TTC19: variants seen among roughly 807,000 people sequenced by gnomAD.
TTC19 encodes the protein tetratricopeptide repeat domain 19.
In TTC19, 38 loss-of-function variants were observed where a neutral mutation model predicts 49.5. The ratio of observed to expected loss-of-function variants is 0.77; its 90% confidence interval spans 0.59 to 1.01. TTC19 has a LOEUF of 1.01. Among genes scored for constraint, TTC19 ranks in the 50% least tolerant of loss-of-function variants. TTC19 has a pLI of 0.00. For synonymous variants in TTC19, 204 were observed against 185.2 expected (o/e 1.10, Z -0.83); for missense variants, 475 against 477.7 (o/e 0.99, Z 0.05).
At chr17:16,013,627 G>C (rs1000815460) in intron 7 of TTC19, among the ~76,000 whole-genome samples, 1 of 151,918 alleles carries the variant, frequency 6.6e-6, no homozygotes, top group Non-Finnish European at 1.5e-5. Context: ...TTTCTTTTGG[G>C]GTTTTCCATT....
chr17:16,020,120 C>A (rs1027477409), intron 7 of TTC19, among the ~76,000 whole-genome samples: 3 of 152,112 alleles, frequency 2.0e-5, no homozygotes, highest in Non-Finnish European at 4.4e-5. Flanking sequence ...AAAACAACAA[C>A]AAAAACCAAA....
At chr17:16,024,991 T>A in intron 7 of TTC19, 26 bp from the exon 8 acceptor site, 1 of 1,613,332 alleles carries the variant, frequency 6.2e-7, no homozygotes, top group South Asian at 1.1e-5. Context: ...TTTGGGTAGA[T>A]TTGCTGATTC....
In TTC19 at chr17:16,015,101, A is replaced by T. The variant is rs1597460003; in HGVS notation, c.676+8533A>T. Among the ~76,000 whole-genome samples, 5 of 152,262 alleles carry T rather than the reference A, an allele frequency of 3.3e-5. No homozygotes were observed. The South Asian group carries it at 1.0e-3, about 32-fold the overall frequency. On this transcript the variant is annotated intron_variant, in intron 7 of 9. Transcript: ENST00000261647. The stretch of plus-strand genomic sequence containing the variant: ...TGTTTGTATTATTTGTTATCGCAGG[A>T]TTGTTATTAATGTGATAAAATGAAT...
chr17:16,002,598 C>A, intron 3 of TTC19, 195 bp from the exon 4 acceptor site: 1 of 617,288 alleles, frequency 1.6e-6, no homozygotes, highest in Non-Finnish European at 2.9e-6. Context: ...TTGTTAACAA[C>A]AAAGTATGTG....
chr17:16,024,775 A>G, intron 7 of TTC19: 2 of 526,486 alleles, frequency 3.8e-6, no homozygotes, highest in Non-Finnish European at 6.8e-6. Flanking sequence ...TTTCTGCTGA[A>G]TATTATTTGT....
chr17:16,002,637 T>G, intron 3 of TTC19, 156 bp from the exon 4 acceptor site: 1 of 720,690 alleles, frequency 1.4e-6, no homozygotes. Context: ...ATGATTGCTG[T>G]CCTGTGCTTC....
At chr17:16,025,260 C>CTAGGCCCATCTGCTGATCCTGTT in intron 8 of TTC19, 89 bp downstream of exon 8, 1 of 1,396,780 alleles carries the variant, frequency 7.2e-7, no homozygotes, top group Non-Finnish European at 1.0e-6. Context: ...GTAACAGGAT[C>CTAGGCCCATCTGCTGATCCTGTT]AGCAGATGGT....
In TTC19 at chr17:16,026,520, G is replaced by A. The variant is rs1971566919; in HGVS notation, c.832-20G>A. On this transcript the variant is annotated intron_variant, in intron 8 of 9. Transcript: ENST00000261647. ...AAGGCATGTTTTTAAAGAAAAAATT[G>A]TTTTTTCTTTTACATACAGACCATT... 1 of 1,612,804 alleles carries A rather than the reference G, an allele frequency of 6.2e-7. No individual in the cohort carries two copies. The highest frequency in any genetic ancestry group is 8.5e-7 in the Non-Finnish European group (1 of 1,179,288).
Position 16,000,019 on chromosome 17 carries a change from G to A in TTC19, c.171G>A (p.Leu57=). The A allele has an allele frequency of 8.0e-7, 1 of 1,242,740 alleles. No homozygotes were observed. Among genetic ancestry groups the A allele is most frequent in the South Asian group, 3.0e-5 (1 of 33,452 alleles). The allele number at this position is 1,242,740 out of a possible 1,614,324, so 77.0% of individuals were successfully genotyped here. A position where few individuals can be genotyped will look rare whatever the true frequency, so the allele number is the denominator to read the frequency against. The change falls in exon 1 of 10, where the codon CTG becomes CTA. Residue 57 remains leucine (L), a synonymous_variant. Transcript: ENST00000261647. ...VAPHGRGPGL[L]PLLAALAWFS... is the part of the protein sequence containing the mutation. ...CGCACGGCCGGGGCCCAGGCCTGCT[G>A]CCGCTGCTGGCAGGTGAGGGGCGCG...
intron 2 of TTC19, among the ~76,000 whole-genome samples, chr17:16,038,369 A>G (rs1207155129): frequency 6.6e-6 from 1 of 152,228 alleles, no homozygotes; most frequent in African/African-American, 2.4e-5. Flanking sequence ...CTTATCAGAT[A>G]CAAGCATTAG....
intron 7 of TTC19, among the ~76,000 whole-genome samples, chr17:16,012,210 G>A (rs1288703450): frequency 2.6e-5 from 4 of 152,064 alleles, no homozygotes; most frequent in African/African-American, 9.7e-5. Context: ...GAGAATTGGC[G>A]AGGGACAGTG....
intron 2 of TTC19, 56 bp downstream of exon 2, chr17:16,000,301 G>A (rs897699803): frequency 1.8e-5 from 29 of 1,585,796 alleles, no homozygotes; most frequent in Admixed American, 5.1e-5. Flanking sequence ...TGTGAGCGGG[G>A]TCTTGGCGTT....
At chr17:16,040,123 A>C in intron 2 of TTC19, 1 of 509,868 alleles carries the variant, frequency 2.0e-6, no homozygotes, top group Admixed American at 2.3e-5. Context: ...TAACTCCTTA[A>C]GGAAATTTGT....
At position 16,026,770 on chromosome 17, in the gene TTC19, G is replaced by C. The variant is rs1046094633; in HGVS notation, c.994+68G>C. On this transcript the variant is annotated intron_variant, in intron 9 of 9. Coordinates refer to ENST00000261647, the MANE Select transcript of TTC19 (RefSeq NM_017775.4). ...GATGTCACTGGATTGATAGATTTGT[G>C]AAGTGGTATGTAGGGAGGGCAAGGG... is the stretch of plus-strand genomic sequence containing the variant. The C allele has an allele frequency of 1.2e-5, 18 of 1,560,950 alleles. No homozygotes were observed. The African/African-American group carries it at 2.2e-4, about 19-fold the overall frequency.
intron 2 of TTC19, among the ~76,000 whole-genome samples, chr17:16,001,272 C>T (rs1214472653): frequency 6.6e-6 from 1 of 152,202 alleles, no homozygotes; most frequent in East Asian, 1.9e-4. Context: ...ATGATCTAAA[C>T]CAGCATATAC....
In TTC19 at chr17:16,000,250, G is replaced by A. The variant is rs1970678351; in HGVS notation, c.312+5G>A. The A allele has an allele frequency of 6.3e-7, 1 of 1,594,112 alleles. No individual in the cohort carries two copies. Among genetic ancestry groups the A allele is most frequent in the Non-Finnish European group, 8.5e-7 (1 of 1,178,580 alleles). Reference sequence around the variant, plus strand: ...CAGCTGCTGAAGCGAGCCAAGGTGAGGCGGCTCCGGGCCCTGCGCCCGGCC... The same window carrying A: ...CAGCTGCTGAAGCGAGCCAAGGTGAAGCGGCTCCGGGCCCTGCGCCCGGCC... On this transcript the variant is annotated splice_donor_5th_base_variant and intron_variant, in intron 2 of 9. Coordinates refer to ENST00000261647, the MANE Select transcript of TTC19 (RefSeq NM_017775.4).
intron 7 of TTC19, among the ~76,000 whole-genome samples, chr17:16,015,110 A>G (rs557235787): frequency 6.6e-6 from 1 of 152,306 alleles, no homozygotes; most frequent in South Asian, 2.1e-4. Context: ...GATTGTTATT[A>G]ATGTGATAAA....
At chr17:16,032,527 G>A (rs2151764681), downstream of TTC19, 1 of 1,510,958 alleles carries the variant, frequency 6.6e-7, no homozygotes, top group Non-Finnish European at 8.9e-7. Context: ...GAACATAACT[G>A]GTATTTCATC....
chr17:15,999,913 G>T lies in TTC19; in HGVS notation c.65G>T (p.Arg22Leu), dbSNP rs1338259730. 8 of 1,357,882 alleles carry T rather than the reference G, an allele frequency of 5.9e-6. No individual in the cohort carries two copies. In the African/African-American group the frequency reaches 7.7e-5, roughly 13 times the overall value. The allele number at this position is 1,357,882 out of a possible 1,614,324, so 84.1% of individuals were successfully genotyped here. ...GFLRAAGRRC[R>L]GCSARLLPGL... ...CTGCGGGCCGCGGGGCGGCGGTGCC[G>T]GGGCTGCTCCGCGCGCCTGCTCCCG... Residue 22 changes from arginine (R) to leucine (L), a missense_variant, in exon 1 of 10, where the codon CGG becomes CTG. Coordinates refer to ENST00000261647, the MANE Select transcript of TTC19 (RefSeq NM_017775.4).
Sources: allele counts gnomAD v4.1 joint callset (sites outside exome capture counted in the v4.1 genomes callset), GRCh38; gene constraint gnomAD v4.1.1; transcripts MANE v1.5; gene names NCBI Gene and HGNC (gene_info 2026-07-23, HGNC 2026-07-21).